Variants in NINJ2 observed in about 807,000 individuals in gnomAD.
The protein encoded by NINJ2 is ninjurin 2, also known as ninjurin-2.
In NINJ2, 12 loss-of-function variants were observed where a neutral mutation model predicts 11.7. The observed-to-expected ratio is 1.02, with a 90% CI of 0.66 to 1.66. NINJ2 has a LOEUF of 1.66. NINJ2 is among the 40% of genes most tolerant of loss of function. NINJ2 has a pLI of 0.00. For synonymous variants in NINJ2, 93 were observed against 76.8 expected (o/e 1.21, Z -1.10); for missense variants, 187 against 181.8 (o/e 1.03, Z -0.16).
chr12:648,461 T>C (rs1937726165), intron 1 of NINJ2, among the ~76,000 whole-genome samples: 1 of 152,206 alleles, frequency 6.6e-6, no homozygotes, highest in African/African-American at 2.4e-5. Context: ...CAGTTAAACA[T>C]CACACGTCTC....
At chr12:642,911 GCGCCCTCGCGCTCCCGGGCCCCGGC>G in intron 1 of NINJ2, 1 of 149,382 alleles carries the variant, frequency 6.7e-6, no homozygotes, top group African/African-American at 2.4e-5. Flanking sequence ...CGCGGGCCCT[GCGCCCTCGCGCTCCCGGGCCCCGGC>G]CGCCCCCACG....
chr12:652,487 T>TG (rs1937808873), intron 1 of NINJ2, among the ~76,000 whole-genome samples: 1 of 152,096 alleles, frequency 6.6e-6, no homozygotes, highest in African/African-American at 2.4e-5. Context: ...TCCCAGCTCT[T>TG]GGGGAGGCCA....
At chr12:647,814 A>T (rs1418735479) in intron 1 of NINJ2, among the ~76,000 whole-genome samples, 1 of 152,142 alleles carries the variant, frequency 6.6e-6, no homozygotes, top group Non-Finnish European at 1.5e-5. Flanking sequence ...TGCATTTCTA[A>T]CAAGTGATGG....
intron 1 of NINJ2, among the ~76,000 whole-genome samples, chr12:651,745 C>T (rs1165820202): frequency 4.6e-5 from 7 of 152,138 alleles, no homozygotes; most frequent in Non-Finnish European, 5.9e-5. Context: ...AGTGGAGAGA[C>T]GGACACCCTA....
chr12:585,909 C>G lies in NINJ2; in HGVS notation c.34-19731G>C, dbSNP rs1223478586. ...TCTGTGGATCTCAGGGCCATCTCAG[C>G]TGGCTCCAGACAGACAAGAAGACTC... On this transcript the variant is annotated intron_variant, in intron 1 of 3. Transcript: ENST00000305108. The surrounding 1 kb of genome is among the most constrained non-coding windows in gnomAD (Gnocchi z 4.1). 6.6e-6 allele frequency: 1 copy of G among 152,108 alleles called. No homozygotes were observed. Among genetic ancestry groups the G allele is most frequent in the African/African-American group, 2.4e-5 (1 of 41,398 alleles). The allele number at this position is 152,108 out of a possible 1,614,324, so 9.4% of individuals were successfully genotyped here. A position where few individuals can be genotyped will look rare whatever the true frequency, so the allele number is the denominator to read the frequency against.
intron 1 of NINJ2, among the ~76,000 whole-genome samples, chr12:572,929 T>C (rs1000160075): frequency 6.9e-6 from 1 of 144,104 alleles, no homozygotes; most frequent in African/African-American, 2.6e-5. Flanking sequence ...CAATCTCAGC[T>C]CACTGCAACC....
chr12:643,670 G>A (rs1292852705), intron 1 of NINJ2: 1 of 987,914 alleles, frequency 1.0e-6, no homozygotes, highest in Non-Finnish European at 1.2e-6. Context: ...CTTAGCGGCG[G>A]TCGTTTGAGC....
intron 1 of NINJ2, among the ~76,000 whole-genome samples, chr12:568,537 C>G (rs1947332179): frequency 6.6e-6 from 1 of 152,228 alleles, no homozygotes; most frequent in Non-Finnish European, 1.5e-5. Flanking sequence ...TGGAATCCAC[C>G]CTGGCAGCCT....
rs1156972340 is a variant in NINJ2 at position 591,818 on chromosome 12, T to C, written c.34-25640A>G. ...TTCTTTAGAGATATTTCTCAGGTTC[T>C]GGGCCTCATTAGAACAGGAAAGCCT... On this transcript the variant is annotated intron_variant, in intron 1 of 3. Coordinates refer to ENST00000305108, the MANE Select transcript of NINJ2 (RefSeq NM_016533.6). The surrounding 1 kb of genome is among the most constrained non-coding windows in gnomAD (Gnocchi z 5.0). 6.6e-6 allele frequency among the ~76,000 whole-genome samples: 1 copy of C among 152,184 alleles called. No individual in the cohort carries two copies. Among genetic ancestry groups the C allele is most frequent in the African/African-American group, 2.4e-5 (1 of 41,444 alleles).
chr12:652,377 A>G (rs1157203435), intron 1 of NINJ2, among the ~76,000 whole-genome samples: 22 of 152,160 alleles, frequency 1.4e-4, no homozygotes, highest in Admixed American at 1.4e-3. Flanking sequence ...AACAAAACTA[A>G]GAGGATTTGT....
rs770239351 is a variant in NINJ2 at position 565,268 on chromosome 12, G to A, written c.396C>T (p.Phe132=). The part of the protein sequence containing the change: ...ITAFGAHKTG[F]LAARASRNPL The stretch of plus-strand genomic sequence containing the variant: ...GATTCCTTGAGGCCCTGGCAGCCAG[G>A]AACCCTGTTTTATGTGCCCCGAAGG... Residue 132 remains phenylalanine (F), a synonymous_variant, in exon 3 of 4, where the codon TTC becomes TTT. Coordinates refer to ENST00000305108, the MANE Select transcript of NINJ2 (RefSeq NM_016533.6). 2 of 1,614,160 alleles carry A rather than the reference G, an allele frequency of 1.2e-6. No homozygotes were observed. Among genetic ancestry groups the A allele is most frequent in the South Asian group, 1.1e-5 (1 of 91,082 alleles).
Position 565,305 on chromosome 12 carries a change from A to G in NINJ2, c.359T>C (p.Val120Ala). 1 of 1,614,194 alleles carries G rather than the reference A, an allele frequency of 6.2e-7. No individual in the cohort carries two copies. Among genetic ancestry groups the G allele is most frequent in the South Asian group, 1.1e-5 (1 of 91,084 alleles). The change falls in exon 3 of 4, where the codon GTT becomes GCT. Residue 120 changes from valine (V) to alanine (A), a missense_variant. Physicochemically the swap from Val to Ala is moderately conservative, Grantham distance 64 (BLOSUM62 0). Coordinates refer to ENST00000305108, the MANE Select transcript of NINJ2 (RefSeq NM_016533.6). ...ATGTGCCCCGAAGGCTGTAATGAAA[A>G]CATTGATGACCACAGTGAAGAAGAC... The part of the protein sequence containing the change: ...ILVFFTVVIN[V>A]FITAFGAHKT...
At chr12:601,440 G>T (rs896920160) in intron 1 of NINJ2, among the ~76,000 whole-genome samples, 1 of 151,690 alleles carries the variant, frequency 6.6e-6, no homozygotes, top group Non-Finnish European at 1.5e-5. Context: ...CCCAGCTACA[G>T]GGGAGGCTGA....
At chr12:630,914 G>C (rs547662140) in intron 1 of NINJ2, 3 of 152,298 alleles carry the variant, frequency 2.0e-5, no homozygotes, top group African/African-American at 2.4e-5. Context: ...ACGTTCTAGG[G>C]GGGAGCCGCT....
At chr12:611,145 C>A (rs11063861) in intron 1 of NINJ2, among the ~76,000 whole-genome samples, 10,529 of 152,174 alleles carry the variant, frequency 0.069, 482 homozygotes, top group Middle Eastern at 0.12. Context: ...GGCACATCAA[C>A]CCCAGGCCTG....
At chr12:600,296 G>A (rs1251232125) in intron 1 of NINJ2, among the ~76,000 whole-genome samples, 1 of 152,178 alleles carries the variant, frequency 6.6e-6, no homozygotes, top group Non-Finnish European at 1.5e-5. Context: ...GCTTAGGCCT[G>A]TAATCCTAAC....
intron 1 of NINJ2, among the ~76,000 whole-genome samples, chr12:656,970 C>A (rs910836256): frequency 3.3e-5 from 5 of 152,286 alleles, no homozygotes; most frequent in Admixed American, 2.0e-4. Flanking sequence ...AATCTAAGCA[C>A]AGACCTTCCA....
chr12:642,001 C>T (rs764948836), intron 1 of NINJ2, among the ~76,000 whole-genome samples: 1 of 152,170 alleles, frequency 6.6e-6, no homozygotes, highest in Non-Finnish European at 1.5e-5. Flanking sequence ...GACATGGTCC[C>T]GGCATGGCCT....
intron 1 of NINJ2, among the ~76,000 whole-genome samples, chr12:574,774 C>A (rs1441468714): frequency 6.6e-6 from 1 of 151,994 alleles, no homozygotes; most frequent in Non-Finnish European, 1.5e-5. Flanking sequence ...CCAAGACATA[C>A]CCCCAGAAGG....
Sources: allele counts gnomAD v4.1 joint callset (sites outside exome capture counted in the v4.1 genomes callset), GRCh38; gene constraint gnomAD v4.1.1; non-coding constraint Gnocchi (gnomAD v3.1); transcripts MANE v1.5; gene names NCBI Gene and HGNC (gene_info 2026-07-23, HGNC 2026-07-21).